NLGN1: variants seen among roughly 807,000 people sequenced by gnomAD.
NLGN1 encodes the protein neuroligin-1.
Under a neutral mutation model 65.5 loss-of-function variants are expected in NLGN1, and 12 were observed. The ratio of observed to expected loss-of-function variants is 0.18; its 90% CI spans 0.12 to 0.30. The LOEUF is 0.30. NLGN1 is among the 10% of genes least tolerant of loss of function. The pLI is 1.00. For synonymous variants in NLGN1, 350 were observed against 359.5 expected (o/e 0.97, Z 0.30); for missense variants, 750 against 1,007.1 (o/e 0.74, Z 3.46).
At chr3:174,162,295 T>A (rs1273351585) in intron 4 of NLGN1, among the ~76,000 whole-genome samples, 1 of 151,958 alleles carries the variant, frequency 6.6e-6, no homozygotes, top group Non-Finnish European at 1.5e-5. Context: ...CTTACTAATA[T>A]GAAATGGTTT....
At chr3:173,915,248 A>G (rs751468795) in intron 4 of NLGN1, among the ~76,000 whole-genome samples, 1 of 152,216 alleles carries the variant, frequency 6.6e-6, no homozygotes, top group Non-Finnish European at 1.5e-5. Context: ...GAACAAATCG[A>G]TGAAAATCGA....
chr3:174,123,658 A>C (rs1718251555), intron 4 of NLGN1, among the ~76,000 whole-genome samples: 1 of 151,994 alleles, frequency 6.6e-6, no homozygotes, highest in Non-Finnish European at 1.5e-5. Context: ...TCCATGCCTC[A>C]TACACTGGTG....
At chr3:174,217,122 G>A (rs1313228882) in intron 4 of NLGN1, among the ~76,000 whole-genome samples, 6 of 152,098 alleles carry the variant, frequency 3.9e-5, no homozygotes, top group Admixed American at 1.3e-4. Context: ...TCCGTTTTCC[G>A]GTTCTGGTAG....
At chr3:173,997,091 AATT>A (rs1209354153) in intron 4 of NLGN1, among the ~76,000 whole-genome samples, 1 of 152,184 alleles carries the variant, frequency 6.6e-6, no homozygotes, top group Non-Finnish European at 1.5e-5. Flanking sequence ...TTCTTAGGCC[AATT>A]ATTATACTGT....
intron 3 of NLGN1, among the ~76,000 whole-genome samples, chr3:173,695,166 A>C (rs1766026390): frequency 6.7e-6 from 1 of 150,072 alleles, no homozygotes; most frequent in Non-Finnish European, 1.5e-5. Flanking sequence ...TACTTCATTT[A>C]AAAAAAATAC....
At chr3:173,946,937 C>G (rs1003281761) in intron 4 of NLGN1, among the ~76,000 whole-genome samples, 10 of 152,156 alleles carry the variant, frequency 6.6e-5, no homozygotes, top group African/African-American at 2.4e-4. Flanking sequence ...AAAACCTGGT[C>G]CTCCACAATG....
Position 173,668,825 on chromosome 3 carries a change from T to C in NLGN1, c.493+63734T>C, listed in dbSNP as rs1190734112. Among the ~76,000 whole-genome samples the C allele has an allele frequency of 2.0e-5, 3 of 152,032 alleles. No homozygotes were observed. The East Asian group carries it at 5.8e-4, about 29-fold the overall frequency. On this transcript the variant is annotated intron_variant, in intron 3 of 6. Coordinates refer to ENST00000457714, the Ensembl canonical transcript of NLGN1. ...TTTTAGTAGAGACGGGGTTTCACCATGTTGGTCAGGCTGGTCTTGAACTCC... is the reference window on the plus strand; with the variant it reads ...TTTTAGTAGAGACGGGGTTTCACCACGTTGGTCAGGCTGGTCTTGAACTCC...
At chr3:174,180,616 A>T (rs1019674111) in intron 4 of NLGN1, among the ~76,000 whole-genome samples, 1 of 152,130 alleles carries the variant, frequency 6.6e-6, no homozygotes, top group African/African-American at 2.4e-5. Flanking sequence ...TCATTATTTT[A>T]AAGATAATAA....
chr3:173,842,939 A>C (rs1048182526), intron 4 of NLGN1, among the ~76,000 whole-genome samples: 2 of 152,152 alleles, frequency 1.3e-5, no homozygotes, highest in African/African-American at 4.8e-5. Flanking sequence ...GCCCTAGCAG[A>C]GGTTCTCCAT....
Position 173,462,298 on chromosome 3 carries a change from T to C in NLGN1, c.-321+27220T>C, listed in dbSNP as rs572487612. Among the ~76,000 whole-genome samples the C allele has an allele frequency of 7.2e-4, 109 of 152,274 alleles. 1 individual carries two copies. Among genetic ancestry groups the C allele is most frequent in the African/African-American group, 2.4e-3 (100 of 41,558 alleles). On this transcript the variant is annotated intron_variant, in intron 2 of 6. Coordinates refer to ENST00000457714, the Ensembl canonical transcript of NLGN1. ...CATGCTCAATAAATATTTGCAGTTT[T>C]ATTGAAAATAAGCAAGGTACCAATG...
chr3:174,161,426 T>C (rs1206175179), intron 4 of NLGN1, among the ~76,000 whole-genome samples: 1 of 151,874 alleles, frequency 6.6e-6, no homozygotes, highest in East Asian at 1.9e-4. Context: ...TTTCTATGAT[T>C]GTGTTACCAA....
At chr3:174,231,556 G>A (rs1431818617) in intron 4 of NLGN1, among the ~76,000 whole-genome samples, 1 of 152,156 alleles carries the variant, frequency 6.6e-6, no homozygotes, top group Non-Finnish European at 1.5e-5. Flanking sequence ...TATCCACAAG[G>A]ACTCAAATAC....
intron 4 of NLGN1, among the ~76,000 whole-genome samples, chr3:173,969,957 C>T (rs1715817447): frequency 6.6e-6 from 1 of 151,054 alleles, no homozygotes. Flanking sequence ...ATTTAATTGC[C>T]TATTTTTATT....
At chr3:173,895,395 A>G (rs1212934170) in intron 4 of NLGN1, among the ~76,000 whole-genome samples, 1 of 152,222 alleles carries the variant, frequency 6.6e-6, no homozygotes, top group East Asian at 1.9e-4. Flanking sequence ...AAAGGAAAGC[A>G]ATGAAACTAA....
chr3:173,785,415 C>T (rs1305324889), intron 3 of NLGN1, among the ~76,000 whole-genome samples: 2 of 151,950 alleles, frequency 1.3e-5, no homozygotes, highest in Non-Finnish European at 2.9e-5. Flanking sequence ...AGGTTGGGTT[C>T]GTTGTTTTAT....
chr3:173,547,135 C>G (rs969705266), intron 2 of NLGN1, among the ~76,000 whole-genome samples: 2 of 152,020 alleles, frequency 1.3e-5, no homozygotes, highest in Non-Finnish European at 1.5e-5. Flanking sequence ...TTAAATTATT[C>G]TTGGGTAAAA....
chr3:174,136,351 C>T (rs1293984448), intron 4 of NLGN1: 2 of 152,100 alleles, frequency 1.3e-5, no homozygotes, highest in African/African-American at 4.8e-5. Flanking sequence ...GTTTCCATGA[C>T]CCTATCCCTA....
intron 4 of NLGN1, among the ~76,000 whole-genome samples, chr3:174,125,449 A>C (rs1177235043): frequency 1.3e-5 from 2 of 152,124 alleles, no homozygotes; most frequent in African/African-American, 4.8e-5. Flanking sequence ...CTGAACAACT[A>C]GCCAGATGGT....
chr3:173,804,656 T>TC (rs1491436690), intron 3 of NLGN1, among the ~76,000 whole-genome samples: 9 of 46,698 alleles, frequency 1.9e-4, no homozygotes, highest in African/African-American at 9.1e-4. Context: ...GCTATTTACA[T>TC]CAAAAAAAAA....
Sources: allele counts gnomAD v4.1 joint callset (sites outside exome capture counted in the v4.1 genomes callset), GRCh38; gene constraint gnomAD v4.1.1; transcripts MANE v1.5; gene names NCBI Gene and HGNC (gene_info 2026-07-23, HGNC 2026-07-21).